Variants in PDE9A observed in about 807,000 individuals in gnomAD.
The protein encoded by PDE9A is phosphodiesterase 9A.
Under a neutral mutation model 87.4 loss-of-function variants are expected in PDE9A, and 60 were observed. The observed-to-expected ratio is 0.69, with a 90% confidence interval of 0.56 to 0.85. PDE9A has a LOEUF of 0.85. PDE9A is among the 40% of genes least tolerant of loss of function. The probability of loss-of-function intolerance (pLI) is 0.00; values close to 1 mark genes in which losing one functional copy is unlikely to be tolerated. For missense variants in PDE9A, 665 were observed against 779.0 expected (o/e 0.85, Z 1.74); for synonymous variants, 272 against 279.4 (o/e 0.97, Z 0.27).
chr21:42,672,417 C>T (rs2058613435), intron 1 of PDE9A, among the ~76,000 whole-genome samples: 1 of 152,250 alleles, frequency 6.6e-6, no homozygotes, highest in African/African-American at 2.4e-5. Flanking sequence ...CTGGTTCTAG[C>T]CCGAGTGTGG....
intron 19 of PDE9A, among the ~76,000 whole-genome samples, chr21:42,773,380 A>G (rs2057198046): frequency 6.6e-6 from 1 of 152,194 alleles, no homozygotes; most frequent in Admixed American, 6.5e-5. Context: ...TAAAAGTGCA[A>G]TTGAAGTACT....
rs1397253992 is a variant in PDE9A, at chr21:42,760,633, G to A, written c.1003-192G>A. The stretch of plus-strand genomic sequence containing the variant: ...GGCTGCTCCTAGGATTACGAGAGCA[G>A]GTGAGTCCCCGACCTGGTCACCCCC... On this transcript the variant is annotated intron_variant, in intron 12 of 19. Coordinates refer to ENST00000291539, the MANE Select transcript of PDE9A (RefSeq NM_002606.3). This position sits in a 1 kb window ranked among gnomAD's most constrained non-coding sequence, Gnocchi z 5.2. 6.6e-6 allele frequency among the ~76,000 whole-genome samples: 1 copy of A among 151,982 alleles called. No individual in the cohort carries two copies. The highest frequency in any genetic ancestry group is 1.5e-5 in the Non-Finnish European group (1 of 67,998).
intron 10 of PDE9A, chr21:42,757,401 G>C (rs948172910): frequency 6.6e-6 from 1 of 152,236 alleles, no homozygotes; most frequent in Non-Finnish European, 1.5e-5. Flanking sequence ...CGCAAGCTTC[G>C]ATTTACAAAA....
chr21:42,745,027 T>C (rs368511618), intron 8 of PDE9A, among the ~76,000 whole-genome samples: 1 of 152,210 alleles, frequency 6.6e-6, no homozygotes, highest in South Asian at 2.1e-4. Context: ...TGGGGACTAA[T>C]GGACTGAGAA....
chr21:42,693,046 G>GGCTGGGCA (rs2059942548), intron 3 of PDE9A, among the ~76,000 whole-genome samples: 1 of 152,246 alleles, frequency 6.6e-6, no homozygotes, highest in Non-Finnish European at 1.5e-5. Flanking sequence ...GCCGTGGGAA[G>GGCTGGGCA]GCTGGGCAGG....
intron 17 of PDE9A, among the ~76,000 whole-genome samples, chr21:42,769,887 C>T (rs1295082910): frequency 6.6e-6 from 1 of 152,200 alleles, no homozygotes; most frequent in Non-Finnish European, 1.5e-5. Context: ...ACAGCCTGGC[C>T]CGTGACCCCA....
intron 16 of PDE9A, chr21:42,768,671 G>A (rs1241961116): frequency 4.1e-6 from 4 of 985,292 alleles, no homozygotes; most frequent in African/African-American, 3.5e-5. Flanking sequence ...GGGGAAGGTC[G>A]GGGACATAGA....
intron 6 of PDE9A, among the ~76,000 whole-genome samples, chr21:42,733,060 G>A (rs527662085): frequency 6.6e-6 from 1 of 152,358 alleles, no homozygotes; most frequent in East Asian, 1.9e-4. Flanking sequence ...AGCAGAGAGA[G>A]GGCCATGTGT....
At position 42,775,311 on chromosome 21, in the gene PDE9A, G is replaced by A. The variant is rs191397949; in HGVS notation, c.*18G>A. ...GTGCCTGAGGAAAGCGGGGGGCGTG[G>A]CTGCAGTTCTGGACGGGCTGGCCGA... On this transcript the variant is annotated 3_prime_UTR_variant, in exon 20 of 20. Transcript: ENST00000291539. 8 of 1,609,614 alleles carry A rather than the reference G, an allele frequency of 5.0e-6. No homozygotes were observed. In the African/African-American group the frequency reaches 8.0e-5, roughly 16 times the overall value.
At chr21:42,753,538 G>A (rs926023082) in intron 9 of PDE9A, among the ~76,000 whole-genome samples, 1 of 152,148 alleles carries the variant, frequency 6.6e-6, no homozygotes, top group Non-Finnish European at 1.5e-5. Flanking sequence ...GAAGTATGTG[G>A]CCTGTGAGTC....
chr21:42,764,730 A>G (rs544473344), intron 14 of PDE9A, among the ~76,000 whole-genome samples: 37 of 152,338 alleles, frequency 2.4e-4, no homozygotes, highest in African/African-American at 8.7e-4. Context: ...TTAAAAATAT[A>G]TTTTGTCATG....
At chr21:42,664,852 C>T (rs971250875) in intron 1 of PDE9A, among the ~76,000 whole-genome samples, 1 of 152,268 alleles carries the variant, frequency 6.6e-6, no homozygotes, top group East Asian at 1.9e-4. Flanking sequence ...ACTGTCACCA[C>T]GTCCTGCCAT....
chr21:42,750,771 G>C (rs919184337), intron 8 of PDE9A, among the ~76,000 whole-genome samples: 1 of 152,020 alleles, frequency 6.6e-6, no homozygotes, highest in Non-Finnish European at 1.5e-5. Context: ...TTTTTTAATA[G>C]AGATGAGGTT....
rs556862327 is a variant in PDE9A at position 42,719,481 on chromosome 21, T to A, written c.263-12289T>A. On this transcript the variant is annotated intron_variant, in intron 4 of 19. Transcript: ENST00000291539. ...GAAATCCTGTCTCTTCTAAAAAAAA[T>A]TTTGAAAAAATTAGCCGGGTGTGGT... Among the ~76,000 whole-genome samples, 4 of 150,188 alleles carry A rather than the reference T, an allele frequency of 2.7e-5. No homozygotes were observed. The South Asian group carries it at 8.7e-4, about 33-fold the overall frequency.
chr21:42,667,926 A>T (rs2058117784), intron 1 of PDE9A, among the ~76,000 whole-genome samples: 1 of 151,654 alleles, frequency 6.6e-6, no homozygotes, highest in African/African-American at 2.4e-5. Context: ...CCCTTATCCC[A>T]TTCCCACTTG....
rs763322241 is a variant in PDE9A at position 42,687,948 on chromosome 21, G to A, written c.172G>A (p.Asp58Asn). Residue 58 changes from aspartate to asparagine, a missense_variant, in exon 3 of 20, where the codon GAC (aspartate) becomes AAC (asparagine). Physicochemically the swap from Asp to Asn is conservative, Grantham distance 23. Transcript: ENST00000291539. Reference sequence around the variant, plus strand: ...GACCATCTCCCTGCTGACCACCGACGACGCCATGGTCTCCATCGACCCCAC... The same window carrying A: ...GACCATCTCCCTGCTGACCACCGACAACGCCATGGTCTCCATCGACCCCAC... ...NTTISLLTTD[D>N]AMVSIDPTMP... The A allele has an allele frequency of 5.5e-5, 88 of 1,613,006 alleles. No homozygotes were observed. The highest frequency in any genetic ancestry group is 2.2e-4 in the East Asian group (10 of 44,890).
In PDE9A at chr21:42,705,641, C is replaced by T. The variant is rs1052627526; in HGVS notation, c.262+6630C>T. On this transcript the variant is annotated intron_variant, in intron 4 of 19. Coordinates refer to ENST00000291539, the MANE Select transcript of PDE9A (RefSeq NM_002606.3). The surrounding 1 kb of genome is among the most constrained non-coding windows in gnomAD (Gnocchi z 4.3). Reference sequence around the variant, plus strand: ...AGCGTGCTGCAGTCACACGCCAGGACGGCCCCCCACGGCCCAAGTCCTATA... The same window carrying T: ...AGCGTGCTGCAGTCACACGCCAGGATGGCCCCCCACGGCCCAAGTCCTATA... Among the ~76,000 whole-genome samples the T allele has an allele frequency of 6.6e-5, 10 of 152,208 alleles. No individual in the cohort carries two copies. Among genetic ancestry groups the T allele is most frequent in the African/African-American group, 1.9e-4 (8 of 41,452 alleles).
intron 9 of PDE9A, among the ~76,000 whole-genome samples, chr21:42,751,744 C>CTTTTTT (rs33940532): frequency 2.5e-5 from 3 of 122,400 alleles, no homozygotes; most frequent in Non-Finnish European, 3.3e-5. Flanking sequence ...GGCCCACCTG[C>CTTTTTT]TTTTTTTTTT....
At chr21:42,749,387 C>G (rs2054197821) in intron 8 of PDE9A, among the ~76,000 whole-genome samples, 1 of 152,134 alleles carries the variant, frequency 6.6e-6, no homozygotes, top group Non-Finnish European at 1.5e-5. Context: ...AAGTTCACAC[C>G]CATAGGGTGT....
Sources: allele counts gnomAD v4.1 joint callset (sites outside exome capture counted in the v4.1 genomes callset), GRCh38; gene constraint gnomAD v4.1.1; non-coding constraint Gnocchi (gnomAD v3.1); transcripts MANE v1.5; gene names NCBI Gene and HGNC (gene_info 2026-07-23, HGNC 2026-07-21).